Variants in MPRIP observed in about 807,000 individuals in gnomAD.
MPRIP encodes the protein myosin phosphatase Rho-interacting protein.
Under a neutral mutation model 234.9 loss-of-function variants are expected in MPRIP, and 59 were observed. That is an observed-to-expected ratio of 0.25 (90% CI 0.20 to 0.31). The LOEUF is 0.31. Among genes scored for constraint, MPRIP ranks in the 10% least tolerant of loss-of-function variants. The pLI is 1.00. For missense variants in MPRIP, 2,436 were observed against 3,071.0 expected (o/e 0.79, Z 4.89); for synonymous variants, 1,144 against 1,263.9 (o/e 0.91, Z 2.01).
At position 17,142,782 on chromosome 17, in the gene MPRIP, G is replaced by A; in HGVS notation, c.1389+17G>A. The A allele has an allele frequency of 6.2e-7, 1 of 1,610,834 alleles. No individual in the cohort carries two copies. The highest frequency in any genetic ancestry group is 1.1e-5 in the South Asian group (1 of 90,792). On this transcript the variant is annotated intron_variant, in intron 8 of 23. Transcript: ENST00000651222. ...AGGAAGCGGGTGAGCTCCTGGGGCT[G>A]GGCAGCACCTCAGGGGTGGCTCGGG...
intron 1 of MPRIP, among the ~76,000 whole-genome samples, chr17:17,047,504 A>T (rs1182832597): frequency 2.0e-5 from 3 of 152,186 alleles, no homozygotes; most frequent in Non-Finnish European, 4.4e-5. Context: ...TTTTTAATCT[A>T]TCAGACTTGT....
chr17:17,069,755 A>G (rs899330135), intron 1 of MPRIP, among the ~76,000 whole-genome samples: 3 of 152,180 alleles, frequency 2.0e-5, no homozygotes, highest in African/African-American at 7.2e-5. Context: ...TTAGAACCAC[A>G]TTAGACAGTT....
At chr17:17,113,904 T>A (rs1037947722) in intron 3 of MPRIP, among the ~76,000 whole-genome samples, 2 of 146,720 alleles carry the variant, frequency 1.4e-5, no homozygotes, top group East Asian at 2.0e-4. Context: ...TTTTTTTTTT[T>A]ACTTAAGAGA....
chr17:17,156,956 A>T (rs1171176646), intron 13 of MPRIP, among the ~76,000 whole-genome samples: 1 of 149,666 alleles, frequency 6.7e-6, no homozygotes, highest in African/African-American at 2.5e-5. Context: ...CTCTCTAAAG[A>T]CTCCTTTCCT....
rs571540753 is a variant in MPRIP at position 17,158,546 on chromosome 17, C to T, written c.1944C>T (p.Arg648=). 66 of 1,611,780 alleles carry T rather than the reference C, an allele frequency of 4.1e-5. 1 individual carries two copies. The South Asian group carries it at 5.4e-4, about 13-fold the overall frequency. The change falls in exon 14 of 24, where the codon CGC becomes CGT. Residue 648 remains arginine, a synonymous_variant. Transcript: ENST00000651222. ...GEPDPEQKRS[R]ARERRREGRS... Reference sequence around the variant, plus strand: ...CGGACCCTGAGCAGAAGAGGAGCCGCGCACGGGAGCGGAGGCGAGAGGGCC... The same window carrying T: ...CGGACCCTGAGCAGAAGAGGAGCCGTGCACGGGAGCGGAGGCGAGAGGGCC...
chr17:17,044,788 A>G (rs1298026914), intron 1 of MPRIP, among the ~76,000 whole-genome samples: 2 of 152,264 alleles, frequency 1.3e-5, no homozygotes, highest in African/African-American at 2.4e-5. Flanking sequence ...GGGAGAGGCA[A>G]ACTTAAAATA....
In MPRIP at chr17:17,138,262, T is replaced by C. The variant is rs1408804756; in HGVS notation, c.1083T>C (p.Phe361=). 2.5e-5 allele frequency: 13 copies of C among 510,866 alleles called. No homozygotes were observed. The highest frequency in any genetic ancestry group is 2.0e-5 in the Non-Finnish European group (6 of 301,004). The allele number at this position is 510,866 out of a possible 1,614,324, so 31.6% of individuals were successfully genotyped here. Residue 361 remains phenylalanine (F), a synonymous_variant, in exon 7 of 24, where the codon TTT becomes TTC. Coordinates refer to ENST00000651222, the MANE Select transcript of MPRIP (RefSeq NM_001364716.4). This position sits in a 1 kb window ranked among gnomAD's most constrained non-coding sequence, Gnocchi z 5.8. The stretch of plus-strand genomic sequence containing the variant: ...GGACAGAGAGACTGGGGAGCGCCTT[T>C]GCCTTTAAAGCCAGCAGGCAATATG... The part of the protein sequence containing the change: ...GRGTERLGSA[F]AFKASRQYAT...
At chr17:17,179,853 T>C (rs1567781611) in intron 22 of MPRIP, 150 bp from the exon 23 acceptor site, 5 of 639,730 alleles carry the variant, frequency 7.8e-6, no homozygotes, top group Non-Finnish European at 1.4e-5. Context: ...TTTATGGTTA[T>C]TGGCTTTGAA....
chr17:17,142,755 C>G lies in MPRIP; in HGVS notation c.1379C>G (p.Pro460Arg). The G allele has an allele frequency of 6.2e-7, 1 of 1,612,440 alleles. No individual in the cohort carries two copies. The highest frequency in any genetic ancestry group is 8.5e-7 in the Non-Finnish European group (1 of 1,179,772). ...RQGRSEKRAF[P>R]RKRDFTNEAP... The stretch of plus-strand genomic sequence containing the variant: ...GGCCGCAGCGAGAAGAGGGCGTTCC[C>G]TAGGAAGCGGGTGAGCTCCTGGGGC... The change falls in exon 8 of 24, where the codon CCT becomes CGT. Residue 460 changes from proline to arginine, a missense_variant. By Grantham distance (103) the Pro-to-Arg change is moderately radical. This residue lies in a region of MPRIP where 267 missense variants were observed against 252.7 expected (regional missense o/e 1.06). Coordinates refer to ENST00000651222, the MANE Select transcript of MPRIP (RefSeq NM_001364716.4).
intron 3 of MPRIP, among the ~76,000 whole-genome samples, chr17:17,084,517 C>T (rs557889890): frequency 6.6e-6 from 1 of 152,322 alleles, no homozygotes; most frequent in East Asian, 1.9e-4. Context: ...AGAGAGATTG[C>T]GAGGTGGCTC....
At chr17:17,122,246 G>T (rs1162868020) in intron 3 of MPRIP, among the ~76,000 whole-genome samples, 1 of 152,182 alleles carries the variant, frequency 6.6e-6, no homozygotes, top group East Asian at 1.9e-4. Flanking sequence ...TTCCACAATG[G>T]CTGAACTAAT....
chr17:17,181,502 C>G (rs1366078516), intron 23 of MPRIP: 1 of 152,230 alleles, frequency 6.6e-6, no homozygotes, highest in African/African-American at 2.4e-5. Flanking sequence ...TTCTACAGTT[C>G]TAAGTCCCCT....
Position 17,138,072 on chromosome 17 carries a change from A to C in MPRIP, c.893A>C (p.His298Pro), listed in dbSNP as rs1430378279. ...CCTCCCAGCCCCAGCACCCCCAACC[A>C]CAGGTACAGTTGCCCCGAGTCGCCC... ...LSPPSPSTPN[H>P]RYSCPESPSQ... The change falls in exon 7 of 24, where the codon CAC (histidine) becomes CCC (proline). Residue 298 changes from histidine to proline, a missense_variant. This residue lies in a region of MPRIP where 267 missense variants were observed against 252.7 expected (regional missense o/e 1.06). Coordinates refer to ENST00000651222, the MANE Select transcript of MPRIP (RefSeq NM_001364716.4). This position sits in a 1 kb window ranked among gnomAD's most constrained non-coding sequence, Gnocchi z 5.8. 2 of 1,564,358 alleles carry C rather than the reference A, an allele frequency of 1.3e-6. No homozygotes were observed. Among genetic ancestry groups the C allele is most frequent in the Middle Eastern group, 1.7e-4 (1 of 5,880 alleles).
In MPRIP at chr17:17,150,265, C is replaced by T. The variant is rs112026872; in HGVS notation, c.1719+32C>T. ...CCAGGGATGGAAGTGGGGCCACAGG[C>T]TTGACAGGCAGGGATGCATGTCAGA... On this transcript the variant is annotated intron_variant, in intron 12 of 23. Coordinates refer to ENST00000651222, the MANE Select transcript of MPRIP (RefSeq NM_001364716.4). The T allele has an allele frequency of 1.6e-3, 2,456 of 1,531,322 alleles. 33 individuals carry two copies. The African/African-American group carries it at 0.029, about 18-fold the overall frequency. The allele number at this position is 1,531,322 out of a possible 1,614,324, so 94.9% of individuals were successfully genotyped here. A position where few individuals can be genotyped will look rare whatever the true frequency, so the allele number is the denominator to read the frequency against.
rs2089377576 is a variant in MPRIP at position 17,078,097 on chromosome 17, C to T, written c.267+21C>T. 3.1e-6 allele frequency: 5 copies of T among 1,613,498 alleles called. No individual in the cohort carries two copies. Among genetic ancestry groups the T allele is most frequent in the Non-Finnish European group, 4.2e-6 (5 of 1,179,506 alleles). The stretch of plus-strand genomic sequence containing the variant: ...AGATGGTAAGTGTTATCCTTGCCCA[C>T]TCCCTGTCCCCAGCCTTCACCAAGT... On this transcript the variant is annotated intron_variant, in intron 3 of 23. Coordinates refer to ENST00000651222, the MANE Select transcript of MPRIP (RefSeq NM_001364716.4). The surrounding 1 kb of genome is among the most constrained non-coding windows in gnomAD (Gnocchi z 4.3).
chr17:17,042,878 G>A lies in MPRIP; in HGVS notation c.30G>A (p.Arg10=), dbSNP rs1447775659. Residue 10 remains arginine, a synonymous_variant, in exon 1 of 24, where the codon AGG becomes AGA. Transcript: ENST00000651222. ...CGGCAGCCAAGGAGAACCCGTGCAG[G>A]AAATTCCAGGCCAACATCTTCAACA... is the stretch of plus-strand genomic sequence containing the variant. MSAAKENPC[R]KFQANIFNKS... is the part of the protein sequence containing the mutation. The A allele has an allele frequency of 6.8e-6, 11 of 1,605,960 alleles. No individual in the cohort carries two copies. In the African/African-American group the frequency reaches 1.5e-4, roughly 22 times the overall value.
intron 3 of MPRIP, among the ~76,000 whole-genome samples, chr17:17,107,940 G>A (rs1469191168): frequency 2.6e-5 from 4 of 152,246 alleles, no homozygotes; most frequent in Admixed American, 2.6e-4. Flanking sequence ...CAGGGCTGCA[G>A]AGGTTGCTCG....
chr17:17,175,565 C>T (rs932278134), intron 20 of MPRIP, among the ~76,000 whole-genome samples, 153 bp downstream of exon 20: 5 of 152,202 alleles, frequency 3.3e-5, no homozygotes, highest in African/African-American at 1.2e-4. Context: ...CACCCGAAGG[C>T]GGCGAGGAGC....
At chr17:17,055,389 G>A (rs2088662215) in intron 1 of MPRIP, among the ~76,000 whole-genome samples, 2 of 152,168 alleles carry the variant, frequency 1.3e-5, no homozygotes, top group Non-Finnish European at 2.9e-5. Flanking sequence ...GAGCTGGGGA[G>A]CCGGGTCTAG....
Sources: gnomAD v4.1 joint callset for allele counts (sites outside exome capture counted in the v4.1 genomes callset) on GRCh38, gnomAD v4.1.1 for gene constraint, gnomAD v4.1.1 regional missense constraint, Gnocchi (gnomAD v3.1) non-coding constraint, MANE v1.5 for transcripts, NCBI Gene and HGNC (gene_info 2026-07-23, HGNC 2026-07-21) for gene names.